MED4: variants seen among roughly 807,000 people sequenced by gnomAD.
MED4 encodes the protein mediator complex subunit 4, also known as mediator of RNA polymerase II transcription subunit 4.
MED4 carries 21 observed loss-of-function variants against 35.0 expected under a neutral mutation model. The observed-to-expected ratio is 0.60, with a 90% CI of 0.43 to 0.86. The LOEUF is 0.86. Ranked by LOEUF, MED4 falls within the 40% of genes least tolerant of loss-of-function variation. MED4 has a pLI of 0.00. For synonymous variants in MED4, 138 were observed against 114.0 expected (o/e 1.21, Z -1.34); for missense variants, 300 against 319.4 (o/e 0.94, Z 0.46).
chr13:48,083,580 T>C (rs1298249070), intron 3 of MED4, 152 bp from the exon 4 acceptor site: 4 of 565,580 alleles, frequency 7.1e-6, no homozygotes, highest in Non-Finnish European at 9.2e-6. Context: ...GAAATACCAC[T>C]TGACATTATT....
intron 5 of MED4, among the ~76,000 whole-genome samples, chr13:48,080,494 ATTTCT>A (rs1290742908): frequency 6.6e-6 from 1 of 151,866 alleles, no homozygotes; most frequent in African/African-American, 2.4e-5. Flanking sequence ...ACGCATTTTA[ATTTCT>A]TTTCTGAATC....
chr13:48,084,314 G>A (rs1950833955), intron 3 of MED4, among the ~76,000 whole-genome samples: 1 of 148,784 alleles, frequency 6.7e-6, no homozygotes, highest in African/African-American at 2.5e-5. Flanking sequence ...GAGAGATCAA[G>A]GTTTAAATTC....
intron 1 of MED4, among the ~76,000 whole-genome samples, chr13:48,092,264 C>T (rs745946462): frequency 1.3e-5 from 2 of 151,722 alleles, no homozygotes; most frequent in Non-Finnish European, 2.9e-5. Context: ...TGTGCCACCA[C>T]GCCCGGCTAA....
chr13:48,090,207 A>T, intron 2 of MED4, 145 bp downstream of exon 2: 1 of 609,354 alleles, frequency 1.6e-6, no homozygotes, highest in Non-Finnish European at 2.8e-6. Flanking sequence ...TACCAATATT[A>T]AAGTTTTAAT....
intron 2 of MED4, among the ~76,000 whole-genome samples, chr13:48,089,370 A>ATTAC (rs772548021): frequency 3.9e-5 from 6 of 152,194 alleles, no homozygotes; most frequent in Non-Finnish European, 8.8e-5. Flanking sequence ...CAAAAGATTT[A>ATTAC]TTACTGTCTC....
chr13:48,092,441 C>T (rs896708730), intron 1 of MED4, among the ~76,000 whole-genome samples: 1 of 152,168 alleles, frequency 6.6e-6, no homozygotes, highest in Non-Finnish European at 1.5e-5. Context: ...CAATGAGAAG[C>T]CACTGGGTTA....
In MED4 at chr13:48,076,824, CTA is replaced by C; in HGVS notation, c.*313_*314del. 1 of 203,534 alleles carries C rather than the reference CTA, an allele frequency of 4.9e-6. No individual in the cohort carries two copies. Among genetic ancestry groups the C allele is most frequent in the Admixed American group, 5.6e-5 (1 of 17,780 alleles). The allele number at this position is 203,534 out of a possible 1,614,324, so 12.6% of individuals were successfully genotyped here. On this transcript the variant is annotated 3_prime_UTR_variant, in exon 7 of 7. Transcript: ENST00000258648. ...TGTATATGGATAATTTCCCTCAACT[CTA>C]TTTCTAGAATGGCTATGTACAAATC...
intron 6 of MED4, among the ~76,000 whole-genome samples, chr13:48,078,990 T>C (rs768156102): frequency 2.6e-5 from 4 of 152,204 alleles, no homozygotes; most frequent in East Asian, 3.8e-4. Context: ...TGCCTTTTTC[T>C]ACTTCCCAAA....
chr13:48,092,459 CA>C (rs1360283399), intron 1 of MED4, among the ~76,000 whole-genome samples: 5 of 152,166 alleles, frequency 3.3e-5, no homozygotes, highest in Non-Finnish European at 7.3e-5. Context: ...TTATTTTAAA[CA>C]GGGAAATGGC....
chr13:48,093,274 C>G (rs1384826242), intron 1 of MED4, among the ~76,000 whole-genome samples: 1 of 151,970 alleles, frequency 6.6e-6, no homozygotes, highest in African/African-American at 2.4e-5. Context: ...TTAAAAAAAA[C>G]GTTTAGCCTA....
At chr13:48,092,258 C>T (rs1020973431) in intron 1 of MED4, among the ~76,000 whole-genome samples, 166 of 152,152 alleles carry the variant, frequency 1.1e-3, no homozygotes, top group African/African-American at 3.8e-3. Context: ...CAGGCATGTG[C>T]CACCACGCCC....
chr13:48,090,304 A>G (rs373950040), intron 2 of MED4, 48 bp downstream of exon 2: 124 of 1,418,458 alleles, frequency 8.7e-5, no homozygotes, highest in Non-Finnish European at 1.1e-4. Flanking sequence ...TTTTTCTTTT[A>G]ATTAAAAAAC....
intron 1 of MED4, among the ~76,000 whole-genome samples, chr13:48,093,958 A>G (rs1375732423): frequency 6.6e-6 from 1 of 152,250 alleles, no homozygotes; most frequent in Non-Finnish European, 1.5e-5. Context: ...TGAAGGATAT[A>G]TGAATCATTC....
At position 48,095,095 on chromosome 13, in the gene MED4, C is replaced by G. The variant is rs1031801976; in HGVS notation, c.-17G>C. 3.7e-6 allele frequency: 6 copies of G among 1,601,024 alleles called. No homozygotes were observed. The African/African-American group carries it at 8.0e-5, about 21-fold the overall frequency. On this transcript the variant is annotated 5_prime_UTR_variant, in exon 1 of 7. Coordinates refer to ENST00000258648, the MANE Select transcript of MED4 (RefSeq NM_014166.4). ...CGCAGCCATTTTCCCCAGAGTCCCG[C>G]CACCGGCGCACGCGCAGAGCGAGCT...
chr13:48,086,071 C>T (rs1566119270), intron 3 of MED4, among the ~76,000 whole-genome samples: 1 of 151,978 alleles, frequency 6.6e-6, no homozygotes, highest in Non-Finnish European at 1.5e-5. Context: ...AAATGTGGCT[C>T]ACAAGTAATG....
Position 48,077,317 on chromosome 13 carries a change from GA to G in MED4, c.641-7del, listed in dbSNP as rs542993874. 1 of 1,457,874 alleles carries G rather than the reference GA, an allele frequency of 6.9e-7. No individual in the cohort carries two copies. The highest frequency in any genetic ancestry group is 9.0e-7 in the Non-Finnish European group (1 of 1,106,832). The allele number at this position is 1,457,874 out of a possible 1,614,324, so 90.3% of individuals were successfully genotyped here. ...ATACTGTGGAGCAAGGACATCTGGA[GA>G]AAAAAAGAAGCATAGATAAGAACAG... is the stretch of plus-strand genomic sequence containing the variant. On this transcript the variant is annotated splice_region_variant and splice_polypyrimidine_tract_variant and intron_variant, in intron 6 of 6. Coordinates refer to ENST00000258648, the MANE Select transcript of MED4 (RefSeq NM_014166.4).
intron 1 of MED4, among the ~76,000 whole-genome samples, chr13:48,093,347 T>C (rs1950903122): frequency 6.6e-6 from 1 of 152,096 alleles, no homozygotes; most frequent in Admixed American, 6.6e-5. Flanking sequence ...CTAATAAATA[T>C]CCCGAAAGGC....
At chr13:48,086,173 G>A in intron 3 of MED4, 109 bp downstream of exon 3, 5 of 1,001,790 alleles carry the variant, frequency 5.0e-6, no homozygotes, top group African/African-American at 1.6e-5. Flanking sequence ...ATCACCTTTA[G>A]ACTTGGAAAG....
At chr13:48,083,081 C>A (rs1206755792) in intron 4 of MED4, among the ~76,000 whole-genome samples, 1 of 152,238 alleles carries the variant, frequency 6.6e-6, no homozygotes, top group African/African-American at 2.4e-5. Context: ...ACCCATACTT[C>A]TCTTTCCCTC....
Sources: allele counts gnomAD v4.1 joint callset (sites outside exome capture counted in the v4.1 genomes callset), GRCh38; gene constraint gnomAD v4.1.1; transcripts MANE v1.5; gene names NCBI Gene and HGNC (gene_info 2026-07-23, HGNC 2026-07-21).